Variants in VTI1A observed in about 807,000 individuals in gnomAD.
VTI1A encodes vesicle transport through interaction with t-SNAREs homolog 1A.
Under a neutral mutation model 34.9 loss-of-function variants are expected in VTI1A, and 22 were observed. The observed-to-expected ratio is 0.63, with a 90% CI of 0.45 to 0.90. The LOEUF (loss-of-function observed/expected upper bound fraction) is 0.90, where lower values mean the gene tolerates loss of function less well. VTI1A is among the 40% of genes least tolerant of loss of function. The probability of loss-of-function intolerance (pLI) is 0.00; values close to 1 mark genes in which losing one functional copy is unlikely to be tolerated. For synonymous variants in VTI1A, 87 were observed against 97.3 expected, an observed-to-expected ratio of 0.89 and a Z score of 0.62; for missense variants, 268 against 275.6, an observed-to-expected ratio of 0.97 and a Z score of 0.20.
the VTI1A span, among the ~76,000 whole-genome samples, chr10:112,851,867 C>T: frequency 6.6e-6 from 1 of 152,150 alleles, no homozygotes; most frequent in African/African-American, 2.4e-5. Flanking sequence ...GTTTCTCAAC[C>T]TCAGTGAAAT....
At chr10:112,503,982 C>G (rs951167092) in intron 3 of VTI1A, among the ~76,000 whole-genome samples, 2 of 152,150 alleles carry the variant, frequency 1.3e-5, no homozygotes, top group Non-Finnish European at 2.9e-5. Flanking sequence ...TTCTTTTTCC[C>G]TTGAGAAACT....
chr10:112,537,556 G>C (rs1234108655), intron 4 of VTI1A, among the ~76,000 whole-genome samples: 1 of 151,748 alleles, frequency 6.6e-6, no homozygotes, highest in Non-Finnish European at 1.5e-5. Context: ...TGTAAATTTA[G>C]TTCACAGTCT....
intron 5 of VTI1A, among the ~76,000 whole-genome samples, chr10:112,666,143 A>G (rs1033399865): frequency 6.6e-6 from 1 of 152,150 alleles, no homozygotes; most frequent in African/African-American, 2.4e-5. Context: ...CTCCTTCTCC[A>G]TTATTGATAT....
chr10:112,805,290 CAAAAG>C (rs1479407401), intron 7 of VTI1A, among the ~76,000 whole-genome samples: 1 of 152,046 alleles, frequency 6.6e-6, no homozygotes, highest in Non-Finnish European at 1.5e-5. Flanking sequence ...GAAAAAAACT[CAAAAG>C]AAGAATTTTT....
At chr10:112,586,292 G>A (rs779235842) in intron 5 of VTI1A, among the ~76,000 whole-genome samples, 3 of 152,210 alleles carry the variant, frequency 2.0e-5, no homozygotes, top group East Asian at 1.9e-4. Flanking sequence ...TGTATTATCC[G>A]TGTAAACTCA....
intron 7 of VTI1A, among the ~76,000 whole-genome samples, chr10:112,740,793 C>T (rs1466573149): frequency 2.0e-5 from 3 of 152,144 alleles, no homozygotes; most frequent in Non-Finnish European, 4.4e-5. Flanking sequence ...ATGGAGTTTA[C>T]CCTATGATCC....
intron 3 of VTI1A, among the ~76,000 whole-genome samples, chr10:112,484,664 G>A (rs917427712): frequency 3.9e-5 from 6 of 152,018 alleles, no homozygotes; most frequent in Admixed American, 3.3e-4. Flanking sequence ...GAGGAGAGTG[G>A]GTCATCTATT....
chr10:112,657,116 G>A (rs1026217758), intron 5 of VTI1A, among the ~76,000 whole-genome samples: 1 of 152,164 alleles, frequency 6.6e-6, no homozygotes, highest in African/African-American at 2.4e-5. Flanking sequence ...CTGCAGAACT[G>A]TGAGACAGTT....
chr10:112,678,587 C>A (rs1205401636), intron 7 of VTI1A, among the ~76,000 whole-genome samples: 4 of 152,182 alleles, frequency 2.6e-5, no homozygotes, highest in Non-Finnish European at 5.9e-5. Flanking sequence ...CTCCACAAAT[C>A]TCCCCCTTCT....
chr10:112,690,995 A>C (rs897657123), intron 7 of VTI1A, among the ~76,000 whole-genome samples: 2 of 152,142 alleles, frequency 1.3e-5, no homozygotes, highest in African/African-American at 2.4e-5. Context: ...AGTTCGATCA[A>C]AGTGGTTCAC....
chr10:112,780,273 AAAATAAATAAATAAATAAAT>A (rs143844379), intron 7 of VTI1A, among the ~76,000 whole-genome samples: 1,775 of 138,264 alleles, frequency 0.013, 28 homozygotes, highest in East Asian at 0.054. Context: ...CCTGTCTCTA[AAAATAAATAAATAAATAAAT>A]AAATAAATAA....
In VTI1A at chr10:112,555,566, T is replaced by A. The variant is rs374169105; in HGVS notation, c.427+17236T>A. On this transcript the variant is annotated intron_variant, in intron 5 of 7. Transcript: ENST00000393077. ...TGTACCCATTTCAGCAATATTTATA[T>A]GTGAAAGAAAGTGGAAATTAGAATC... Among the ~76,000 whole-genome samples, 10 of 152,182 alleles carry A rather than the reference T, an allele frequency of 6.6e-5. No homozygotes were observed. In the East Asian group the frequency reaches 1.7e-3, roughly 26 times the overall value.
At chr10:112,831,451 G>A in the VTI1A span, 2 of 152,218 alleles carry the variant, frequency 1.3e-5, no homozygotes, top group African/African-American at 2.4e-5. Flanking sequence ...GGCTGCCTTG[G>A]ATGAAATGGT....
chr10:112,771,495 G>T (rs903520932), intron 7 of VTI1A, among the ~76,000 whole-genome samples: 1 of 152,036 alleles, frequency 6.6e-6, no homozygotes, highest in African/African-American at 2.4e-5. Context: ...GCTTTGTGTA[G>T]TTTGGTGGTT....
At chr10:112,545,249 T>G (rs547309998) in intron 5 of VTI1A, among the ~76,000 whole-genome samples, 12 of 152,338 alleles carry the variant, frequency 7.9e-5, no homozygotes, top group Admixed American at 7.2e-4. Context: ...TGTAAGGCTA[T>G]CCCCAAAACA....
intron 3 of VTI1A, among the ~76,000 whole-genome samples, chr10:112,517,050 A>G (rs1849807196): frequency 1.3e-5 from 2 of 152,104 alleles, no homozygotes; most frequent in Admixed American, 1.3e-4. Context: ...GAGATCACTC[A>G]GATGAGTGAG....
At chr10:112,806,538 C>T (rs910297211) in intron 7 of VTI1A, among the ~76,000 whole-genome samples, 11 of 150,826 alleles carry the variant, frequency 7.3e-5, no homozygotes, top group Admixed American at 6.6e-5. Context: ...TGCCCACCTC[C>T]GCCTCCCAAA....
intron 7 of VTI1A, chr10:112,737,523 A>G: frequency 1.9e-6 from 2 of 1,050,912 alleles, no homozygotes. Context: ...CGGGGTGTGC[A>G]GTATTTTAGG....
chr10:112,681,741 A>T (rs1224785104), intron 7 of VTI1A, among the ~76,000 whole-genome samples: 1 of 152,182 alleles, frequency 6.6e-6, no homozygotes, highest in Admixed American at 6.5e-5. Context: ...AAAATTACCT[A>T]TTTATTAAAA....
Sources: gnomAD v4.1 joint callset for allele counts (sites outside exome capture counted in the v4.1 genomes callset) on GRCh38, gnomAD v4.1.1 for gene constraint, MANE v1.5 for transcripts, NCBI Gene and HGNC (gene_info 2026-07-23, HGNC 2026-07-21) for gene names.